ASTN2: variants seen among roughly 807,000 people sequenced by gnomAD.
ASTN2 encodes the protein astrotactin 2, also known as astrotactin-2.
Under a neutral mutation model 139.8 loss-of-function variants are expected in ASTN2, and 54 were observed. That is an observed-to-expected ratio of 0.39 (90% CI 0.31 to 0.48). The LOEUF (loss-of-function observed/expected upper bound fraction) is 0.48, where lower values mean the gene tolerates loss of function less well. ASTN2 is among the 20% of genes least tolerant of loss of function. The pLI is 0.95. For missense variants in ASTN2, 1,565 were observed against 1,725.1 expected (o/e 0.91, Z 1.64); for synonymous variants, 756 against 719.5 (o/e 1.05, Z -0.81).
At chr9:116,881,714 AT>A (rs1424283540) in intron 10 of ASTN2, among the ~76,000 whole-genome samples, 1 of 152,320 alleles carries the variant, frequency 6.6e-6, no homozygotes, top group Non-Finnish European at 1.5e-5. Flanking sequence ...ATCCCAGCTT[AT>A]GTAAAACACA....
chr9:116,455,249 T>A (rs1192549866), intron 20 of ASTN2, among the ~76,000 whole-genome samples: 1 of 150,704 alleles, frequency 6.6e-6, no homozygotes, highest in African/African-American at 2.4e-5. Flanking sequence ...CTCAGAAGGC[T>A]GAGGCAGGAG....
At chr9:116,610,599 G>C (rs1262546999) in intron 19 of ASTN2, among the ~76,000 whole-genome samples, 2 of 151,734 alleles carry the variant, frequency 1.3e-5, no homozygotes, top group African/African-American at 4.8e-5. Flanking sequence ...GCGAAATTCT[G>C]CCTCAAAAAA....
intron 19 of ASTN2, among the ~76,000 whole-genome samples, chr9:116,591,632 A>G (rs1313012831): frequency 6.6e-6 from 1 of 152,380 alleles, no homozygotes; most frequent in African/African-American, 2.4e-5. Flanking sequence ...AAGCTAGAAA[A>G]AAACAGAATG....
At chr9:117,239,525 T>C (rs769955027) in intron 2 of ASTN2, among the ~76,000 whole-genome samples, 2 of 152,146 alleles carry the variant, frequency 1.3e-5, no homozygotes, top group Non-Finnish European at 2.9e-5. Context: ...GCTGTTGGTG[T>C]TAAGAATAAT....
chr9:116,934,321 C>T (rs1835003918), intron 10 of ASTN2, among the ~76,000 whole-genome samples: 1 of 152,052 alleles, frequency 6.6e-6, no homozygotes, highest in Non-Finnish European at 1.5e-5. Context: ...CCATCAGGAG[C>T]AATGCCAGCT....
At chr9:117,410,495 A>T (rs534583660) in intron 1 of ASTN2, among the ~76,000 whole-genome samples, 4 of 152,206 alleles carry the variant, frequency 2.6e-5, no homozygotes, top group Non-Finnish European at 5.9e-5. Context: ...TAGAATCTTT[A>T]CACGAAAGGA....
chr9:116,690,271 C>T (rs1422351402), intron 16 of ASTN2, among the ~76,000 whole-genome samples: 2 of 152,148 alleles, frequency 1.3e-5, no homozygotes, highest in African/African-American at 2.4e-5. Flanking sequence ...TGAATTCAAT[C>T]CTGCTAACAG....
chr9:117,358,898 T>C (rs1385145068), intron 1 of ASTN2, among the ~76,000 whole-genome samples: 1 of 152,080 alleles, frequency 6.6e-6, no homozygotes, highest in Non-Finnish European at 1.5e-5. Flanking sequence ...CCCACCTTTC[T>C]GCAAAGGCCT....
chr9:116,639,801 C>G (rs956329097), intron 17 of ASTN2, among the ~76,000 whole-genome samples: 1 of 152,152 alleles, frequency 6.6e-6, no homozygotes, highest in Admixed American at 6.5e-5. Flanking sequence ...GTTTCCTTAT[C>G]TAAAAAATGA....
chr9:117,048,474 C>T (rs980565369), intron 5 of ASTN2, among the ~76,000 whole-genome samples: 1 of 152,114 alleles, frequency 6.6e-6, no homozygotes, highest in African/African-American at 2.4e-5. Flanking sequence ...GGACAAAGAC[C>T]GTTTCTATAG....
At chr9:117,325,846 C>T (rs2130839696) in intron 1 of ASTN2, among the ~76,000 whole-genome samples, 1 of 152,260 alleles carries the variant, frequency 6.6e-6, no homozygotes, top group South Asian at 2.1e-4. Context: ...TAATAATCAT[C>T]TAATCCAGGA....
At chr9:117,132,518 G>C (rs1829851077) in intron 4 of ASTN2, among the ~76,000 whole-genome samples, 1 of 152,158 alleles carries the variant, frequency 6.6e-6, no homozygotes, top group Non-Finnish European at 1.5e-5. Context: ...CCATCCTCCA[G>C]GCCAGATAGA....
At chr9:116,773,820 C>CT (rs770188616) in intron 13 of ASTN2, among the ~76,000 whole-genome samples, 36 of 152,062 alleles carry the variant, frequency 2.4e-4, no homozygotes, top group African/African-American at 8.2e-4. Flanking sequence ...ATTGTAAAGA[C>CT]TTTTTTTTCC....
chr9:117,125,570 C>T (rs80033822), intron 4 of ASTN2, among the ~76,000 whole-genome samples: 1 of 152,152 alleles, frequency 6.6e-6, no homozygotes, highest in Admixed American at 6.5e-5. Context: ...TTTTACAAAG[C>T]CTTTTGGAGT....
chr9:116,840,058 A>G (rs1832161455), intron 11 of ASTN2, among the ~76,000 whole-genome samples: 1 of 147,544 alleles, frequency 6.8e-6, no homozygotes, highest in Admixed American at 6.8e-5. Flanking sequence ...GGTACTTGAG[A>G]TTAGGGAGTG....
chr9:116,441,501 A>AT (rs1367725874), intron 21 of ASTN2, among the ~76,000 whole-genome samples: 1 of 151,870 alleles, frequency 6.6e-6, no homozygotes, highest in African/African-American at 2.4e-5. Context: ...TTCTACTCTG[A>AT]TTTTTATTTG....
chr9:116,599,484 T>A (rs1325529977), intron 19 of ASTN2, among the ~76,000 whole-genome samples: 2 of 152,224 alleles, frequency 1.3e-5, no homozygotes, highest in Non-Finnish European at 1.5e-5. Context: ...ACAACATATA[T>A]CATTTCATCT....
At chr9:117,016,624 CTATATATATATA>C (rs1175306157) in intron 6 of ASTN2, among the ~76,000 whole-genome samples, 2 of 20,016 alleles carry the variant, frequency 1.0e-4, no homozygotes, top group Admixed American at 5.7e-4. Flanking sequence ...ATCTATCTAT[CTATATATATATA>C]TATATATATA....
chr9:116,572,794 GA>G, intron 19 of ASTN2, among the ~76,000 whole-genome samples: 1 of 152,182 alleles, frequency 6.6e-6, no homozygotes, highest in East Asian at 1.9e-4. Context: ...CCAAGGTGGA[GA>G]CCCAAGGGTT....
Sources: allele counts gnomAD v4.1 joint callset (sites outside exome capture counted in the v4.1 genomes callset), GRCh38; gene constraint gnomAD v4.1.1; transcripts MANE v1.5; gene names NCBI Gene and HGNC (gene_info 2026-07-23, HGNC 2026-07-21).